Variants in CTNNA3 observed in about 807,000 individuals in gnomAD.
CTNNA3 encodes catenin alpha-3.
Under a neutral mutation model 95.7 loss-of-function variants are expected in CTNNA3, and 76 were observed. That is an observed-to-expected ratio of 0.79 (90% confidence interval 0.66 to 0.96). CTNNA3 has a LOEUF of 0.96. Among genes scored for constraint, CTNNA3 ranks in the 40% least tolerant of loss-of-function variants. The probability of loss-of-function intolerance (pLI) is 0.00; values close to 1 mark genes in which losing one functional copy is unlikely to be tolerated. For synonymous variants in CTNNA3, 431 were observed against 374.4 expected (o/e 1.15, Z -1.74); for missense variants, 1,191 against 1,089.8 (o/e 1.09, Z -1.31).
At chr10:66,172,188 G>A (rs900666266) in intron 13 of CTNNA3, among the ~76,000 whole-genome samples, 3 of 152,036 alleles carry the variant, frequency 2.0e-5, no homozygotes, top group Admixed American at 6.6e-5. Flanking sequence ...CCAAATGAGA[G>A]AGCAGCAAGA....
chr10:67,257,573 T>A lies in CTNNA3; in HGVS notation c.580-37703A>T, dbSNP rs1301037035. Reference sequence around the variant, plus strand: ...TAATGTTCTACTTAGTGAGATTTTGTATATAATAATTATGCTCCAGTACAC... The same window carrying A: ...TAATGTTCTACTTAGTGAGATTTTGAATATAATAATTATGCTCCAGTACAC... On this transcript the variant is annotated intron_variant, in intron 5 of 17. Coordinates refer to ENST00000433211, the MANE Select transcript of CTNNA3 (RefSeq NM_013266.4). Among the ~76,000 whole-genome samples the A allele has an allele frequency of 2.0e-5, 3 of 152,202 alleles. No homozygotes were observed. In the East Asian group the frequency reaches 5.8e-4, roughly 29 times the overall value.
chr10:65,920,435 T>C lies in CTNNA3; in HGVS notation c.2583A>G (p.Arg861=). ...KAPAKKPLIK[R]EKPEETCAAV... ...CTGCACACGTTTCCTCTGGCTTCTCTCTTTTAATCAAGGGTTTTTTTGCAG... is the reference window on the plus strand; with the variant it reads ...CTGCACACGTTTCCTCTGGCTTCTCCCTTTTAATCAAGGGTTTTTTTGCAG... Residue 861 remains arginine (R), a synonymous_variant, in exon 18 of 18, where the codon AGA becomes AGG. Transcript: ENST00000433211. The C allele has an allele frequency of 6.2e-7, 1 of 1,614,194 alleles. No individual in the cohort carries two copies. The highest frequency in any genetic ancestry group is 8.5e-7 in the Non-Finnish European group (1 of 1,180,032).
At chr10:66,487,106 AGG>A (rs1839756619) in intron 11 of CTNNA3, among the ~76,000 whole-genome samples, 2 of 150,710 alleles carry the variant, frequency 1.3e-5, no homozygotes, top group Admixed American at 1.3e-4. Flanking sequence ...GAATAAGTTC[AGG>A]GAATCTAATG....
intron 7 of CTNNA3, among the ~76,000 whole-genome samples, chr10:67,005,682 CTTTT>C (rs11369576): frequency 5.0e-4 from 31 of 61,984 alleles, no homozygotes; most frequent in East Asian, 1.4e-3. Context: ...TTTACTCCAT[CTTTT>C]TTTTTTTTTT....
chr10:66,455,852 C>G (rs2093491837), intron 11 of CTNNA3, among the ~76,000 whole-genome samples: 1 of 152,174 alleles, frequency 6.6e-6, no homozygotes, highest in South Asian at 2.1e-4. Context: ...TTTTGGGGCT[C>G]ACCTGCCCTG....
At chr10:67,292,151 G>A (rs1166261969) in intron 5 of CTNNA3, among the ~76,000 whole-genome samples, 1 of 152,182 alleles carries the variant, frequency 6.6e-6, no homozygotes, top group Non-Finnish European at 1.5e-5. Context: ...AAGACCTACA[G>A]TAAAACAATG....
intron 7 of CTNNA3, among the ~76,000 whole-genome samples, chr10:66,883,410 A>G (rs747090423): frequency 2.0e-5 from 3 of 152,118 alleles, no homozygotes; most frequent in Non-Finnish European, 2.9e-5. Flanking sequence ...GATTCCTACC[A>G]TTTAGAAAGT....
chr10:66,271,778 G>C (rs2091287300), intron 13 of CTNNA3, among the ~76,000 whole-genome samples: 1 of 152,206 alleles, frequency 6.6e-6, no homozygotes, highest in South Asian at 2.1e-4. Context: ...TGCCAGTCCA[G>C]TGGTGTTGAC....
At chr10:66,810,587 C>T (rs1841836724) in intron 7 of CTNNA3, among the ~76,000 whole-genome samples, 1 of 152,112 alleles carries the variant, frequency 6.6e-6, no homozygotes, top group Non-Finnish European at 1.5e-5. Context: ...CATGTTGCTC[C>T]CACATCCCCT....
intron 12 of CTNNA3, among the ~76,000 whole-genome samples, chr10:66,360,957 C>G (rs1293218682): frequency 7.3e-6 from 1 of 136,936 alleles, no homozygotes; most frequent in Non-Finnish European, 1.6e-5. Flanking sequence ...CTCTCTCTTT[C>G]TTTCTATTAT....
At chr10:66,897,194 A>G (rs1845531072) in intron 7 of CTNNA3, among the ~76,000 whole-genome samples, 2 of 152,184 alleles carry the variant, frequency 1.3e-5, no homozygotes, top group Non-Finnish European at 2.9e-5. Context: ...CTATGAAAAT[A>G]AGCAAAGTGT....
chr10:66,640,416 A>G (rs1845476561), intron 9 of CTNNA3, among the ~76,000 whole-genome samples: 1 of 152,138 alleles, frequency 6.6e-6, no homozygotes, highest in South Asian at 2.1e-4. Context: ...TTGCCTCTAC[A>G]TGTGACAATT....
intron 3 of CTNNA3, among the ~76,000 whole-genome samples, chr10:67,573,271 C>A (rs923827371): frequency 6.6e-6 from 1 of 151,862 alleles, no homozygotes; most frequent in Non-Finnish European, 1.5e-5. Context: ...GACCAACCCC[C>A]AAAAAAAATT....
chr10:66,766,082 A>G, intron 9 of CTNNA3, 182 bp downstream of exon 9: 1 of 475,084 alleles, frequency 2.1e-6, no homozygotes, highest in South Asian at 5.6e-5. Flanking sequence ...AAAAAATAAG[A>G]CAAGCCAATG....
At chr10:65,979,781 C>T (rs1039058889) in intron 16 of CTNNA3, among the ~76,000 whole-genome samples, 3 of 152,060 alleles carry the variant, frequency 2.0e-5, no homozygotes, top group Admixed American at 2.0e-4. Context: ...AAAGCAGCAT[C>T]TCTTAGAACA....
At chr10:67,550,211 G>GAT (rs1840975698) in intron 3 of CTNNA3, among the ~76,000 whole-genome samples, 1 of 152,132 alleles carries the variant, frequency 6.6e-6, no homozygotes, top group Non-Finnish European at 1.5e-5. Flanking sequence ...TTCAGCTTCA[G>GAT]TATTCATATA....
chr10:66,850,259 T>A (rs1843437710), intron 7 of CTNNA3, among the ~76,000 whole-genome samples: 1 of 152,140 alleles, frequency 6.6e-6, no homozygotes, highest in Non-Finnish European at 1.5e-5. Flanking sequence ...AGAGTATCAG[T>A]TTTGAATCTG....
chr10:67,458,569 A>G (rs144288345), intron 5 of CTNNA3, among the ~76,000 whole-genome samples: 1 of 152,114 alleles, frequency 6.6e-6, no homozygotes, highest in East Asian at 1.9e-4. Context: ...GGGAACAGAG[A>G]AAAGGAGTCC....
intron 5 of CTNNA3, among the ~76,000 whole-genome samples, chr10:67,265,329 C>T (rs1034817539): frequency 6.6e-6 from 1 of 152,154 alleles, no homozygotes; most frequent in African/African-American, 2.4e-5. Context: ...TATATCTTCT[C>T]TTTCCCCAAG....
Sources: allele counts gnomAD v4.1 joint callset (sites outside exome capture counted in the v4.1 genomes callset), GRCh38; gene constraint gnomAD v4.1.1; transcripts MANE v1.5; gene names NCBI Gene and HGNC (gene_info 2026-07-23, HGNC 2026-07-21).